Variants in CTNNA3 observed in about 807,000 individuals in gnomAD.
The protein encoded by CTNNA3 is catenin alpha-3.
Under a neutral mutation model 95.7 loss-of-function variants are expected in CTNNA3, and 76 were observed. That is an observed-to-expected ratio of 0.79 (90% confidence interval 0.66 to 0.96). The LOEUF is 0.96. Among genes scored for constraint, CTNNA3 ranks in the 40% least tolerant of loss-of-function variants. The pLI, the probability that CTNNA3 is intolerant of heterozygous loss-of-function variation, is 0.00. For missense variants in CTNNA3, 1,191 were observed against 1,089.8 expected (o/e 1.09, Z -1.31); for synonymous variants, 431 against 374.4 (o/e 1.15, Z -1.74).
intron 6 of CTNNA3, among the ~76,000 whole-genome samples, chr10:67,217,971 A>C (rs1864461651): frequency 6.6e-6 from 1 of 151,754 alleles, no homozygotes; most frequent in Admixed American, 6.6e-5. Context: ...TCATGCACAA[A>C]ATTTTTAAAA....
chr10:66,274,235 A>AT (rs5785753), intron 13 of CTNNA3, among the ~76,000 whole-genome samples: 71,414 of 151,904 alleles, frequency 0.47, 18,268 homozygotes, highest in African/African-American at 0.69. Context: ...TTTCAATATG[A>AT]TTTATGGACA....
At chr10:66,243,460 C>T (rs2090185215) in intron 13 of CTNNA3, among the ~76,000 whole-genome samples, 1 of 152,184 alleles carries the variant, frequency 6.6e-6, no homozygotes, top group Non-Finnish European at 1.5e-5. Context: ...TCCCAAACCC[C>T]TTATCTTAAC....
intron 11 of CTNNA3, among the ~76,000 whole-genome samples, chr10:66,461,514 G>A (rs2093528880): frequency 6.6e-6 from 1 of 151,958 alleles, no homozygotes; most frequent in Non-Finnish European, 1.5e-5. Context: ...GAGGACTCAA[G>A]TAGTTTCGGA....
chr10:66,018,187 T>C (rs867158754), intron 15 of CTNNA3, among the ~76,000 whole-genome samples: 5 of 142,082 alleles, frequency 3.5e-5, no homozygotes, highest in African/African-American at 5.3e-5. Flanking sequence ...ACAGCTCAAA[T>C]ACACACACAC....
chr10:67,281,262 C>G lies in CTNNA3; in HGVS notation c.580-61392G>C, dbSNP rs563621630. Among the ~76,000 whole-genome samples the G allele has an allele frequency of 2.6e-5, 4 of 152,158 alleles. No individual in the cohort carries two copies. The South Asian group carries it at 8.3e-4, about 31-fold the overall frequency. On this transcript the variant is annotated intron_variant, in intron 5 of 17. Coordinates refer to ENST00000433211, the MANE Select transcript of CTNNA3 (RefSeq NM_013266.4). ...TGTTTAGCATTTTCAAAGTTATTTTCTAACAAAAATGTTCACTTAAACATA... is the reference window on the plus strand; with the variant it reads ...TGTTTAGCATTTTCAAAGTTATTTTGTAACAAAAATGTTCACTTAAACATA...
At chr10:67,274,622 A>G (rs558697382) in intron 5 of CTNNA3, among the ~76,000 whole-genome samples, 1 of 151,984 alleles carries the variant, frequency 6.6e-6, no homozygotes, top group Non-Finnish European at 1.5e-5. Flanking sequence ...GAGCCCAGGA[A>G]TTCAAGACCA....
In CTNNA3 at chr10:67,219,599, C is replaced by G; in HGVS notation, c.843+8G>C. 4 of 1,607,406 alleles carry G rather than the reference C, an allele frequency of 2.5e-6. No individual in the cohort carries two copies. Among genetic ancestry groups the G allele is most frequent in the Non-Finnish European group, 3.4e-6 (4 of 1,175,690 alleles). On this transcript the variant is annotated splice_region_variant and intron_variant, in intron 6 of 17. Coordinates refer to ENST00000433211, the MANE Select transcript of CTNNA3 (RefSeq NM_013266.4). ...ATCAGATCACACTTTATCTTTCTCC[C>G]GACTTACCTCCAGCTCATCAAGGGC...
intron 11 of CTNNA3, among the ~76,000 whole-genome samples, chr10:66,418,331 A>G (rs1369077554): frequency 2.7e-5 from 4 of 148,730 alleles, no homozygotes; most frequent in Admixed American, 2.7e-4. Context: ...TCAGGAAGAA[A>G]TAGTAAACCT....
chr10:65,979,878 G>C (rs2078283553), intron 16 of CTNNA3, among the ~76,000 whole-genome samples: 1 of 151,956 alleles, frequency 6.6e-6, no homozygotes, highest in Non-Finnish European at 1.5e-5. Flanking sequence ...AACTTTCTGT[G>C]CATTTATTTT....
chr10:66,741,966 G>A (rs1471508120), intron 9 of CTNNA3, among the ~76,000 whole-genome samples: 1 of 152,132 alleles, frequency 6.6e-6, no homozygotes, highest in Non-Finnish European at 1.5e-5. Flanking sequence ...ATTGTTTGTA[G>A]AGCATGTGTG....
At chr10:65,988,650 A>T in intron 16 of CTNNA3, 42 bp downstream of exon 16, 1 of 1,495,612 alleles carries the variant, frequency 6.7e-7, no homozygotes. Flanking sequence ...GCAAAGAGCA[A>T]TTAGCATGAA....
intron 15 of CTNNA3, among the ~76,000 whole-genome samples, chr10:66,015,445 A>G (rs1267097777): frequency 6.6e-6 from 1 of 152,204 alleles, no homozygotes; most frequent in East Asian, 1.9e-4. Context: ...CTTTATTGGA[A>G]CACAGCCACA....
chr10:67,382,294 A>G (rs1843977149), intron 5 of CTNNA3, among the ~76,000 whole-genome samples: 1 of 152,200 alleles, frequency 6.6e-6, no homozygotes, highest in Non-Finnish European at 1.5e-5. Flanking sequence ...GCTAAGGCAC[A>G]GCATTCACAT....
intron 7 of CTNNA3, among the ~76,000 whole-genome samples, chr10:67,142,061 G>A (rs982134082): frequency 3.3e-5 from 5 of 151,684 alleles, no homozygotes; most frequent in African/African-American, 1.2e-4. Flanking sequence ...TCATTTTCTG[G>A]AAATGGAAGA....
At chr10:67,262,080 CTCAT>C (rs1564519692) in intron 5 of CTNNA3, among the ~76,000 whole-genome samples, 1 of 151,876 alleles carries the variant, frequency 6.6e-6, no homozygotes, top group African/African-American at 2.4e-5. Flanking sequence ...ATTGCTCAAT[CTCAT>C]TCAATATTTC....
At chr10:66,585,332 T>C (rs760684373) in intron 10 of CTNNA3, among the ~76,000 whole-genome samples, 1 of 152,038 alleles carries the variant, frequency 6.6e-6, no homozygotes, top group African/African-American at 2.4e-5. Flanking sequence ...ACAATTCTTA[T>C]GTTTGGCCAT....
chr10:66,446,693 C>G (rs1479834690), intron 11 of CTNNA3, among the ~76,000 whole-genome samples: 1 of 152,056 alleles, frequency 6.6e-6, no homozygotes, highest in Non-Finnish European at 1.5e-5. Context: ...TAAGAGCTAT[C>G]TATGACAAAC....
At chr10:67,605,299 A>G (rs556406732) in intron 3 of CTNNA3, among the ~76,000 whole-genome samples, 5 of 152,236 alleles carry the variant, frequency 3.3e-5, no homozygotes, top group Non-Finnish European at 7.3e-5. Context: ...TCTCACTTAT[A>G]TGTAGAATCT....
At chr10:66,452,898 G>A (rs1348138507) in intron 11 of CTNNA3, among the ~76,000 whole-genome samples, 1 of 151,902 alleles carries the variant, frequency 6.6e-6, no homozygotes, top group Non-Finnish European at 1.5e-5. Flanking sequence ...CCCTAGCCCT[G>A]TGTCTGCCAA....
Sources: gnomAD v4.1 joint callset for allele counts (sites outside exome capture counted in the v4.1 genomes callset) on GRCh38, gnomAD v4.1.1 for gene constraint, MANE v1.5 for transcripts, NCBI Gene and HGNC (gene_info 2026-07-23, HGNC 2026-07-21) for gene names.